The following ZNF107 variants were observed in gnomAD, a reference collection of about 807,000 sequenced individuals.
ZNF107 encodes the protein C2H2 type zinc-finger protein.
In ZNF107, 19 loss-of-function variants were observed where a neutral mutation model predicts 12.3. The ratio of observed to expected loss-of-function variants is 1.55; its 90% CI spans 1.08 to 2.27. ZNF107 has a LOEUF of 2.27. ZNF107 is among the 30% of genes most tolerant of loss of function. The pLI is 0.00. For missense variants in ZNF107, 958 were observed against 979.9 expected (o/e 0.98, Z 0.30); for synonymous variants, 317 against 330.5 (o/e 0.96, Z 0.44).
In ZNF107 at chr7:64,706,727, T is replaced by TA. The variant is rs1356495467; in HGVS notation, c.632dup (p.Asn211LysfsTer8). On this transcript the variant is annotated frameshift_variant, in exon 4 of 4. Coordinates refer to ENST00000620827, the MANE Select transcript of ZNF107 (RefSeq NM_001282359.2). LOFTEE classifies it low-confidence loss of function (END_TRUNC). ...AATGTGAAGAATGTGGAAAAGCCTT[T>TA]AACTGGTTCTCAACTCTTACTAAAC... The TA allele has an allele frequency of 6.2e-7, 1 of 1,612,590 alleles. No homozygotes were observed. Among genetic ancestry groups the TA allele is most frequent in the Non-Finnish European group, 8.5e-7 (1 of 1,179,516 alleles).
chr7:64,690,343 G>A (rs1027495752), intron 1 of ZNF107: 6 of 984,800 alleles, frequency 6.1e-6, no homozygotes, highest in African/African-American at 3.5e-5. Flanking sequence ...AATATATAGG[G>A]TTTACTCCCA....
chr7:64,682,638 G>A (rs1158597856), intron 1 of ZNF107, among the ~76,000 whole-genome samples: 1 of 152,090 alleles, frequency 6.6e-6, no homozygotes, highest in Admixed American at 6.6e-5. Flanking sequence ...TGACCTCACA[G>A]TCCTAGGCTG....
intron 1 of ZNF107, chr7:64,679,209 C>T (rs1789549673): frequency 1.0e-6 from 1 of 984,790 alleles, no homozygotes; most frequent in South Asian, 4.7e-5. Context: ...ATGCTGAAAT[C>T]CGGGATAGGG....
chr7:64,698,690 G>A (rs536154206), intron 3 of ZNF107, among the ~76,000 whole-genome samples: 1 of 152,134 alleles, frequency 6.6e-6, no homozygotes, highest in Admixed American at 6.5e-5. Flanking sequence ...CAAAGTGCTG[G>A]AATTACAGGC....
At position 64,706,789 on chromosome 7, in the gene ZNF107, G is replaced by A. The variant is rs974284736; in HGVS notation, c.692G>A (p.Cys231Tyr). ...CATACTGGAGAAAAGCCCTACAAAT[G>A]TGAAGAATGTGGCAAAGCCTTTAAC... Reference protein sequence around the residue: ...RIHTGEKPYKCEECGKAFNQS... With the variant: ...RIHTGEKPYKYEECGKAFNQS... The change falls in exon 4 of 4, where the codon TGT (cysteine) becomes TAT (tyrosine). Residue 231 changes from cysteine to tyrosine, a missense_variant. Cys to Tyr is a radical substitution (Grantham distance 194). Coordinates refer to ENST00000620827, the MANE Select transcript of ZNF107 (RefSeq NM_001282359.2). 9 of 1,613,464 alleles carry A rather than the reference G, an allele frequency of 5.6e-6. No individual in the cohort carries two copies. In the South Asian group the frequency reaches 7.7e-5, roughly 14 times the overall value.
chr7:64,691,525 A>C, intron 2 of ZNF107, 151 bp downstream of exon 2: 1 of 561,526 alleles, frequency 1.8e-6, no homozygotes. Context: ...TTGTGTAGAA[A>C]ATAATTCCTT....
At chr7:64,684,224 C>T (rs1032687563) in intron 1 of ZNF107, among the ~76,000 whole-genome samples, 1 of 152,168 alleles carries the variant, frequency 6.6e-6, no homozygotes, top group Non-Finnish European at 1.5e-5. Context: ...CATTCGAACT[C>T]TTATATGGTA....
At chr7:64,698,488 T>G (rs143764167) in intron 3 of ZNF107, among the ~76,000 whole-genome samples, 6 of 152,174 alleles carry the variant, frequency 3.9e-5, no homozygotes, top group African/African-American at 1.4e-4. Flanking sequence ...AGTGGTGTGA[T>G]CTCAGCTCAC....
At chr7:64,702,426 C>T (rs569668988) in intron 3 of ZNF107, among the ~76,000 whole-genome samples, 6 of 152,218 alleles carry the variant, frequency 3.9e-5, no homozygotes, top group East Asian at 1.9e-4. Flanking sequence ...TGAGCCACCG[C>T]GCCCGGCCAA....
At position 64,706,527 on chromosome 7, in the gene ZNF107, A is replaced by G; in HGVS notation, c.430A>G (p.Ile144Val). 6.2e-7 allele frequency: 1 copy of G among 1,610,528 alleles called. No homozygotes were observed. The highest frequency in any genetic ancestry group is 8.5e-7 in the Non-Finnish European group (1 of 1,178,202). ...NQCLTATPSK[I>V]FQCNKYVKVF... Reference sequence around the variant, plus strand: ...ATGTTTGACAGCTACCCCAAGCAAAATATTCCAGTGTAATAAATATGTGAA... The same window carrying G: ...ATGTTTGACAGCTACCCCAAGCAAAGTATTCCAGTGTAATAAATATGTGAA... Residue 144 changes from isoleucine to valine, a missense_variant, in exon 4 of 4, where the codon ATA becomes GTA. Ile to Val is a conservative substitution (Grantham distance 29). Transcript: ENST00000620827.
Position 64,708,474 on chromosome 7 carries a change from G to C in ZNF107, c.2377G>C (p.Glu793Gln), listed in dbSNP as rs1365182257. 4 of 1,612,680 alleles carry C rather than the reference G, an allele frequency of 2.5e-6. No individual in the cohort carries two copies. In the African/African-American group the frequency reaches 4.0e-5, roughly 16 times the overall value. The change falls in exon 4 of 4, where the codon GAA becomes CAA. Residue 793 changes from glutamate to glutamine, a missense_variant. Physicochemically the swap from Glu to Gln is conservative, Grantham distance 29. Transcript: ENST00000620827. ...TTCAGAGAAACCCTACAAATGTGAA[G>C]AATGTGGCAAATCCTTTAACCAGTT... ...HTSEKPYKCE[E>Q]CGKSFNQFSS...
chr7:64,686,583 G>A (rs1789921400), intron 1 of ZNF107: 1 of 985,378 alleles, frequency 1.0e-6, no homozygotes, highest in East Asian at 1.1e-4. Flanking sequence ...AAATATGGCT[G>A]CATTATTGCC....
At chr7:64,701,623 TACTC>T (rs926792743) in intron 3 of ZNF107, among the ~76,000 whole-genome samples, 8 of 152,180 alleles carry the variant, frequency 5.3e-5, no homozygotes, top group East Asian at 1.9e-4. Context: ...TATATTTACT[TACTC>T]ATTCATATTT....
At chr7:64,687,378 G>C (rs762206557) in intron 1 of ZNF107, 11 of 985,306 alleles carry the variant, frequency 1.1e-5, no homozygotes, top group Non-Finnish European at 1.2e-5. Flanking sequence ...CAGGAGGCCT[G>C]CAGGCTCTCC....
chr7:64,704,206 G>T (rs1279537850), intron 3 of ZNF107, among the ~76,000 whole-genome samples: 1 of 152,020 alleles, frequency 6.6e-6, no homozygotes, highest in Non-Finnish European at 1.5e-5. Context: ...ATAATGCTGT[G>T]AAATTCTGTT....
chr7:64,670,939 C>T (rs550330861), intron 1 of ZNF107, among the ~76,000 whole-genome samples: 1 of 152,282 alleles, frequency 6.6e-6, no homozygotes, highest in East Asian at 1.9e-4. Flanking sequence ...TTTTGACTGG[C>T]ATCTGCAGTG....
At chr7:64,666,430 C>T in intron 1 of ZNF107, 145 bp downstream of exon 1, 2 of 1,142,744 alleles carry the variant, frequency 1.8e-6, no homozygotes, top group Non-Finnish European at 2.5e-6. Context: ...CCCCGCGGCC[C>T]CGAGTTCTCC....
At chr7:64,677,073 A>G (rs1789439691) in intron 1 of ZNF107, among the ~76,000 whole-genome samples, 1 of 152,160 alleles carries the variant, frequency 6.6e-6, no homozygotes. Context: ...TAGAAGAAAG[A>G]CATAGACTTG....
At position 64,707,904 on chromosome 7, in the gene ZNF107, A is replaced by G. The variant is rs757411494; in HGVS notation, c.1807A>G (p.Lys603Glu). ...NKCEEFGKAF[K>E]QSSHRTIHKI... The stretch of plus-strand genomic sequence containing the variant: ...ATGTGAAGAATTTGGCAAGGCCTTT[A>G]AACAGTCCTCACACCGTACTATACA... The change falls in exon 4 of 4, where the codon AAA (lysine) becomes GAA (glutamate). Residue 603 changes from lysine (K) to glutamate (E), a missense_variant. Transcript: ENST00000620827. 1.9e-6 allele frequency: 3 copies of G among 1,613,726 alleles called. No homozygotes were observed. The highest frequency in any genetic ancestry group is 2.5e-6 in the Non-Finnish European group (3 of 1,179,820).
Sources: allele counts gnomAD v4.1 joint callset (sites outside exome capture counted in the v4.1 genomes callset), GRCh38; gene constraint gnomAD v4.1.1; transcripts MANE v1.5; gene names NCBI Gene and HGNC (gene_info 2026-07-23, HGNC 2026-07-21).